Variants in TDRD9 observed in about 807,000 individuals in gnomAD.
The protein encoded by TDRD9 is ATP-dependent RNA helicase TDRD9.
A neutral mutation model predicts 172.6 loss-of-function variants in TDRD9; 124 were observed. The observed-to-expected ratio is 0.72, with a 90% CI of 0.62 to 0.83. The LOEUF (loss-of-function observed/expected upper bound fraction) is 0.83, where lower values mean the gene tolerates loss of function less well. Among genes scored for constraint, TDRD9 ranks in the 40% least tolerant of loss-of-function variants. TDRD9 has a pLI of 0.00. For missense variants in TDRD9, 1,479 were observed against 1,714.1 expected, an observed-to-expected ratio of 0.86 and a Z score of 2.42; for synonymous variants, 619 against 617.1, an observed-to-expected ratio of 1.00 and a Z score of -0.05.
chr14:104,046,105 C>A (rs917352035), intron 34 of TDRD9, among the ~76,000 whole-genome samples: 1 of 152,048 alleles, frequency 6.6e-6, no homozygotes, highest in African/African-American at 2.4e-5. Flanking sequence ...TACAGGCACA[C>A]GCCACCAAGC....
chr14:103,977,822 T>C (rs2033316403), intron 7 of TDRD9, among the ~76,000 whole-genome samples: 1 of 152,118 alleles, frequency 6.6e-6, no homozygotes, highest in African/African-American at 2.4e-5. Flanking sequence ...AAGTCTTAAA[T>C]CCATTTTGAG....
chr14:103,996,849 G>T (rs1054342886), intron 12 of TDRD9, among the ~76,000 whole-genome samples: 1 of 152,174 alleles, frequency 6.6e-6, no homozygotes, highest in Non-Finnish European at 1.5e-5. Flanking sequence ...TGAGATTGCA[G>T]GTGGAGTGAT....
chr14:103,958,225 C>T (rs1477611105), intron 2 of TDRD9, among the ~76,000 whole-genome samples: 1 of 152,134 alleles, frequency 6.6e-6, no homozygotes, highest in African/African-American at 2.4e-5. Context: ...TTGACTTGGG[C>T]TGTGGTGTCA....
chr14:103,943,836 T>A (rs2031407315), intron 1 of TDRD9, among the ~76,000 whole-genome samples: 2 of 152,228 alleles, frequency 1.3e-5, no homozygotes, highest in South Asian at 4.1e-4. Context: ...GACTTGCATG[T>A]CATGCATGAC....
intron 3 of TDRD9, 37 bp downstream of exon 3, chr14:103,963,213 G>T: frequency 1.4e-6 from 2 of 1,421,444 alleles, no homozygotes; most frequent in South Asian, 2.6e-5. Flanking sequence ...TTTGCTGTTT[G>T]AATACATGTC....
chr14:104,002,034 T>A (rs2034276237), intron 13 of TDRD9, among the ~76,000 whole-genome samples: 1 of 151,480 alleles, frequency 6.6e-6, no homozygotes, highest in Non-Finnish European at 1.5e-5. Context: ...AAAAGAAAAA[T>A]TTTGGCCAGA....
At chr14:104,007,864 G>A (rs542901616) in intron 19 of TDRD9, among the ~76,000 whole-genome samples, 2 of 151,850 alleles carry the variant, frequency 1.3e-5, no homozygotes, top group South Asian at 2.1e-4. Flanking sequence ...TGCAAGCTCT[G>A]TCTCCTGGGC....
chr14:104,025,391 C>T (rs996922515), intron 25 of TDRD9, among the ~76,000 whole-genome samples, 173 bp from the exon 26 acceptor site: 6 of 152,186 alleles, frequency 3.9e-5, no homozygotes, highest in African/African-American at 1.4e-4. Context: ...CAGGGGACCC[C>T]CTCTTTTTGT....
In TDRD9 at chr14:103,955,561, T is replaced by G. The variant is rs1426716643; in HGVS notation, c.216-103T>G. 4.2e-6 allele frequency: 3 copies of G among 707,522 alleles called. No individual in the cohort carries two copies. In the African/African-American group the frequency reaches 5.5e-5, roughly 13 times the overall value. 43.8% of individuals were successfully genotyped at this position (707,522 alleles called of 1,614,324 possible). A position where few individuals can be genotyped will look rare whatever the true frequency, so the allele number is the denominator to read the frequency against. ...AGTGTATATTCATTTGTTTATTGAC[T>G]ATTTGCATTTTTTCCTGTGACTTAA... On this transcript the variant is annotated intron_variant, in intron 1 of 35. Coordinates refer to ENST00000409874, the MANE Select transcript of TDRD9 (RefSeq NM_153046.3).
chr14:103,929,447 T>G (rs1238928203), intron 1 of TDRD9, among the ~76,000 whole-genome samples: 1 of 152,086 alleles, frequency 6.6e-6, no homozygotes, highest in Non-Finnish European at 1.5e-5. Flanking sequence ...TAGCACTGAT[T>G]AATATTCCAC....
chr14:104,035,064 C>CA lies in TDRD9; in HGVS notation c.3716+9dup, dbSNP rs2035410275. The CA allele has an allele frequency of 6.5e-7, 1 of 1,548,730 alleles. No individual in the cohort carries two copies. Among genetic ancestry groups the CA allele is most frequent in the African/African-American group, 1.4e-5 (1 of 72,960 alleles). On this transcript the variant is annotated intron_variant, in intron 32 of 35. Coordinates refer to ENST00000409874, the MANE Select transcript of TDRD9 (RefSeq NM_153046.3). Reference sequence around the variant, plus strand: ...ACCGGTGATAGAGTTAAGGTACGGGCATCCCTCTTGTCTATAGGCTTTGTA... The same window carrying CA: ...ACCGGTGATAGAGTTAAGGTACGGGCAATCCCTCTTGTCTATAGGCTTTGTA...
At chr14:103,977,997 T>C (rs2033323906) in intron 7 of TDRD9, among the ~76,000 whole-genome samples, 1 of 152,222 alleles carries the variant, frequency 6.6e-6, no homozygotes, top group Non-Finnish European at 1.5e-5. Flanking sequence ...ATTTTATTTC[T>C]GGGTTCTTTA....
At chr14:103,999,661 TA>T in intron 13 of TDRD9, among the ~76,000 whole-genome samples, 1 of 125,374 alleles carries the variant, frequency 8.0e-6, no homozygotes, top group East Asian at 2.3e-4. Flanking sequence ...TTGGGAAGGG[TA>T]GATAAAAGAC....
intron 1 of TDRD9, among the ~76,000 whole-genome samples, chr14:103,951,923 T>C (rs369377446): frequency 6.7e-6 from 1 of 150,032 alleles, no homozygotes; most frequent in Non-Finnish European, 1.5e-5. Context: ...CCCGCCACCA[T>C]GCCAGGCTAA....
At chr14:103,975,299 G>A (rs2033189490) in intron 6 of TDRD9, 90 bp from the exon 7 acceptor site, 6 of 1,246,342 alleles carry the variant, frequency 4.8e-6, no homozygotes, top group Non-Finnish European at 5.6e-6. Flanking sequence ...TAGATAAGGA[G>A]TGAAGCAGAA....
At chr14:104,003,600 A>G (rs1209208108) in intron 13 of TDRD9, among the ~76,000 whole-genome samples, 1 of 151,056 alleles carries the variant, frequency 6.6e-6, no homozygotes, top group Admixed American at 6.6e-5. Context: ...CCCTCCCTTC[A>G]CTCTCTCTCC....
intron 4 of TDRD9, 32 bp downstream of exon 4, chr14:103,965,586 A>G: frequency 6.6e-7 from 1 of 1,511,110 alleles, no homozygotes; most frequent in Non-Finnish European, 9.0e-7. Flanking sequence ...GGACTAAGAG[A>G]GCCAGCTGTC....
intron 1 of TDRD9, chr14:103,941,226 T>C (rs919122242): frequency 1.0e-6 from 1 of 983,910 alleles, no homozygotes; most frequent in Non-Finnish European, 1.5e-6. Flanking sequence ...TGCATGTTGT[T>C]TTAAAATTAT....
At chr14:103,979,778 A>G (rs957539878) in intron 7 of TDRD9, among the ~76,000 whole-genome samples, 8 of 151,986 alleles carry the variant, frequency 5.3e-5, no homozygotes, top group African/African-American at 1.7e-4. Context: ...TCCACATTGT[A>G]CTCTTGAGAA....
Sources: allele counts gnomAD v4.1 joint callset (sites outside exome capture counted in the v4.1 genomes callset), GRCh38; gene constraint gnomAD v4.1.1; transcripts MANE v1.5; gene names NCBI Gene and HGNC (gene_info 2026-07-23, HGNC 2026-07-21).